KRTAP4-7: variants seen among roughly 807,000 people sequenced by gnomAD.
The protein encoded by KRTAP4-7 is keratin associated protein 4-7.
Under a neutral mutation model 3.0 loss-of-function variants are expected in KRTAP4-7, and 1 was observed. That is an observed-to-expected ratio of 0.33 (90% CI 0.12 to 1.57). KRTAP4-7 has a LOEUF of 1.57. Among genes scored for constraint, KRTAP4-7 ranks in the 40% most tolerant of loss-of-function variants. The pLI is 0.37. For synonymous variants in KRTAP4-7, 70 were observed against 74.6 expected, an observed-to-expected ratio of 0.94 and a Z score of 0.32; for missense variants, 199 against 209.1, an observed-to-expected ratio of 0.95 and a Z score of 0.30.
chr17:41,084,415 G>T, exon 1 of KRTAP4-7: 1 of 1,425,472 alleles, frequency 7.0e-7, no homozygotes, highest in South Asian at 1.3e-5. Flanking sequence ...CCCACCTGCT[G>T]TGAGACGACC....
chr17:41,084,721 G>A, exon 1 of KRTAP4-7: 2 of 1,541,508 alleles, frequency 1.3e-6, no homozygotes, highest in Non-Finnish European at 1.8e-6. Flanking sequence ...GCCCACAGAT[G>A]TAGACCCTTC....
chr17:41,084,625 T>A (rs1200794750), exon 1 of KRTAP4-7: 1 of 1,601,440 alleles, frequency 6.2e-7, no homozygotes, highest in Non-Finnish European at 8.5e-7. Flanking sequence ...CCAACCTGTG[T>A]CATCTCCACC....
chr17:41,084,344 G>A lies in KRTAP4-7; in HGVS notation c.138G>A (p.Val46=), dbSNP rs568264915. The change falls in exon 1 of 1, where the codon GTG becomes GTA. Residue 46 remains valine, a synonymous_variant. Transcript: ENST00000391417. ...CCTGCTACCGCCCCAGCTGTTGTGT[G>A]TCCAGCTGCTGCAGGCCCCAGTGCT... The A allele has an allele frequency of 7.8e-5, 125 of 1,607,792 alleles. 1 individual carries two copies. Among genetic ancestry groups the A allele is most frequent in the South Asian group, 5.1e-4 (46 of 90,942 alleles).
At chr17:41,084,787 G>A (rs1476352206) in exon 1 of KRTAP4-7, 2 of 1,428,730 alleles carry the variant, frequency 1.4e-6, no homozygotes, top group Non-Finnish European at 1.9e-6. Context: ...CAATAGGATG[G>A]ACCTTATGCT....
exon 1 of KRTAP4-7, chr17:41,085,057 C>T (rs1313239656): frequency 3.3e-6 from 1 of 306,316 alleles, no homozygotes; most frequent in Non-Finnish European, 6.4e-6. Flanking sequence ...GATCCAGCCA[C>T]CCAATTGTAT....
chr17:41,084,580 G>A (rs1280633355), exon 1 of KRTAP4-7: 1 of 1,588,084 alleles, frequency 6.3e-7, no homozygotes, highest in Admixed American at 1.8e-5. Flanking sequence ...CGTCCAGTCT[G>A]TGGCCGAGTC....
exon 1 of KRTAP4-7, chr17:41,084,409 C>G (rs11650484): frequency 0.63 from 1,009,436 of 1,608,126 alleles, 320,167 homozygotes; most frequent in African/African-American, 0.87. Flanking sequence ...TGTCGCCCCA[C>G]CTGCTGTGAG....
chr17:41,085,047 G>T (rs1216986284), exon 1 of KRTAP4-7: 5 of 326,662 alleles, frequency 1.5e-5, no homozygotes, highest in Non-Finnish European at 2.3e-5. Context: ...TGCACCCTCA[G>T]ATCCAGCCAC....
At chr17:41,084,256 A>C in exon 1 of KRTAP4-7, 1 of 1,613,446 alleles carries the variant, frequency 6.2e-7, no homozygotes. Flanking sequence ...GGCTGCAGCC[A>C]AGACCTCTGT....
chr17:41,084,716 C>T (rs1409467006), exon 1 of KRTAP4-7: 1 of 1,545,782 alleles, frequency 6.5e-7, no homozygotes, highest in Non-Finnish European at 8.7e-7. Flanking sequence ...CACTGGCCCA[C>T]AGATGTAGAC....
Position 41,084,165 on chromosome 17 carries a change from A to G in KRTAP4-7, c.-42A>G, listed in dbSNP as rs755690780. The G allele has an allele frequency of 1.0e-5, 16 of 1,567,858 alleles. No homozygotes were observed. The East Asian group carries it at 3.2e-4, about 31-fold the overall frequency. Reference sequence around the variant, plus strand: ...GAAGACTTCCAAACCCAAGAACTTCACTCTCTTGGAAACCCACCCAGATCC... The same window carrying G: ...GAAGACTTCCAAACCCAAGAACTTCGCTCTCTTGGAAACCCACCCAGATCC... On this transcript the variant is annotated 5_prime_UTR_variant, in exon 1 of 1. Transcript: ENST00000391417.
rs529043715 is a variant in KRTAP4-7, at chr17:41,084,359, G to A, written c.153G>A (p.Arg51=). The change falls in exon 1 of 1, where the codon AGG becomes AGA. Residue 51 remains arginine (R), a synonymous_variant. Coordinates refer to ENST00000391417, the Ensembl canonical transcript of KRTAP4-7. ...GCTGTTGTGTGTCCAGCTGCTGCAG[G>A]CCCCAGTGCTGCCAGTCTGTGTGCT... The A allele has an allele frequency of 1.7e-3, 2,625 of 1,572,272 alleles. 39 individuals are homozygous for A. In the African/African-American group the frequency reaches 0.035, roughly 21 times the overall value.
exon 1 of KRTAP4-7, chr17:41,084,831 T>C (rs1479556943): frequency 4.1e-6 from 5 of 1,206,596 alleles, no homozygotes; most frequent in Non-Finnish European, 4.6e-6. Context: ...ACTGACTCTG[T>C]GAGAACATTC....
At chr17:41,084,755 A>G in exon 1 of KRTAP4-7, 2 of 1,490,574 alleles carry the variant, frequency 1.3e-6, no homozygotes, top group Admixed American at 4.4e-5. Flanking sequence ...ATTAGGATAC[A>G]TGAAGTGGGG....
Position 41,085,058 on chromosome 17 carries a change from C to T in KRTAP4-7, c.*384C>T, listed in dbSNP as rs1597973206. On this transcript the variant is annotated 3_prime_UTR_variant, in exon 1 of 1. Coordinates refer to ENST00000391417, the Ensembl canonical transcript of KRTAP4-7. Reference sequence around the variant, plus strand: ...ATGTTGCACCCTCAGATCCAGCCACCCAATTGTATTCTGTGTTTCTCCTAG... The same window carrying T: ...ATGTTGCACCCTCAGATCCAGCCACTCAATTGTATTCTGTGTTTCTCCTAG... The T allele has an allele frequency of 3.3e-5, 10 of 302,562 alleles. No homozygotes were observed. The East Asian group carries it at 6.9e-4, about 21-fold the overall frequency. The allele number at this position is 302,562 out of a possible 1,614,324, so 18.7% of individuals were successfully genotyped here.
At chr17:41,084,779 A>G in exon 1 of KRTAP4-7, 7 of 1,456,386 alleles carry the variant, frequency 4.8e-6, no homozygotes, top group Middle Eastern at 1.8e-4. Context: ...ATGTCATTCA[A>G]TAGGATGGAC....
chr17:41,084,450 T>G lies in KRTAP4-7; in HGVS notation c.244T>G (p.Ser82Ala), dbSNP rs1450216026. The change falls in exon 1 of 1, where the codon TCC (serine) becomes GCC (alanine). Residue 82 changes from serine (S) to alanine (A), a missense_variant. Transcript: ENST00000391417. ...CTGCTGCCACCCTAGGTGCTGCATC[T>G]CCAGCTGCTGCCGCCCCAGCTGCTG... 4.6e-5 allele frequency: 69 copies of G among 1,502,354 alleles called. No individual in the cohort carries two copies. The highest frequency in any genetic ancestry group is 4.8e-5 in the Non-Finnish European group (53 of 1,101,432). 93.1% of individuals were successfully genotyped at this position (1,502,354 alleles called of 1,614,324 possible). A position where few individuals can be genotyped will look rare whatever the true frequency, so the allele number is the denominator to read the frequency against.
In KRTAP4-7 at chr17:41,084,248, C is replaced by T. The variant is rs749395245; in HGVS notation, c.42C>T (p.Gly14=). 1.1e-5 allele frequency: 17 copies of T among 1,613,196 alleles called. No individual in the cohort carries two copies. The East Asian group carries it at 3.6e-4, about 34-fold the overall frequency. ...GTGGCTCCGTGTGCTCTGACCAGGG[C>T]TGCAGCCAAGACCTCTGTCAGGAGA... is the stretch of plus-strand genomic sequence containing the variant. The change falls in exon 1 of 1, where the codon GGC becomes GGT. Residue 14 remains glycine, a synonymous_variant. Transcript: ENST00000391417.
At chr17:41,084,422 G>A (rs766371233) in exon 1 of KRTAP4-7, 15 of 1,405,290 alleles carry the variant, frequency 1.1e-5, no homozygotes, top group Admixed American at 2.0e-5. Context: ...GCTGTGAGAC[G>A]ACCTGCTGCC....
Sources: allele counts gnomAD v4.1 joint callset, GRCh38; gene constraint gnomAD v4.1.1; transcripts MANE v1.5; gene names NCBI Gene and HGNC (gene_info 2026-07-23, HGNC 2026-07-21).